The following MYOCD variants were observed in gnomAD, a reference collection of about 807,000 sequenced individuals.
The protein encoded by MYOCD is myocardin.
In MYOCD, 32 loss-of-function variants were observed where a neutral mutation model predicts 96.1. The observed-to-expected ratio is 0.33, with a 90% CI of 0.25 to 0.45. MYOCD has a LOEUF of 0.45. Ranked by LOEUF, MYOCD falls within the 20% of genes least tolerant of loss-of-function variation. The pLI is 1.00. For synonymous variants in MYOCD, 469 were observed against 469.0 expected, an observed-to-expected ratio of 1.00 and a Z score of 0.00; for missense variants, 1,133 against 1,200.6, an observed-to-expected ratio of 0.94 and a Z score of 0.83.
chr17:12,669,884 T>G (rs1909596754), intron 1 of MYOCD, among the ~76,000 whole-genome samples: 1 of 152,184 alleles, frequency 6.6e-6, no homozygotes, highest in African/African-American at 2.4e-5. Flanking sequence ...CACTTTCTGC[T>G]GCCCCATCCA....
chr17:12,767,796 T>C lies in MYOCD; in HGVS notation c.*4152T>C, dbSNP rs2033379903. 6.6e-6 allele frequency: 1 copy of C among 152,192 alleles called. No individual in the cohort carries two copies. The highest frequency in any genetic ancestry group is 2.4e-5 in the African/African-American group (1 of 41,456). 9.4% of individuals were successfully genotyped at this position (152,192 alleles called of 1,614,324 possible). ...ACATCCACGAGAGTTTGAAGATTTGTGTTGATTGCCAGATACAGAAGCCCC... is the reference window on the plus strand; with the variant it reads ...ACATCCACGAGAGTTTGAAGATTTGCGTTGATTGCCAGATACAGAAGCCCC... On this transcript the variant is annotated 3_prime_UTR_variant, in exon 14 of 14. Transcript: ENST00000425538.
In MYOCD at chr17:12,680,888, G is replaced by A. The variant is rs80200276; in HGVS notation, c.55+14645G>A. On this transcript the variant is annotated intron_variant, in intron 1 of 13. Transcript: ENST00000425538. ...TTCCCAGTCCTCCCTGACTTGGAGAGGGTTTTGATGAGGTTCCCTACACCC... is the reference window on the plus strand; with the variant it reads ...TTCCCAGTCCTCCCTGACTTGGAGAAGGTTTTGATGAGGTTCCCTACACCC... Among the ~76,000 whole-genome samples the A allele has an allele frequency of 4.7e-4, 72 of 152,208 alleles. No individual in the cohort carries two copies. In the East Asian group the frequency reaches 0.011, roughly 23 times the overall value.
At chr17:12,731,640 G>C (rs1174561810) in intron 5 of MYOCD, among the ~76,000 whole-genome samples, 1 of 152,014 alleles carries the variant, frequency 6.6e-6, no homozygotes, top group Admixed American at 6.6e-5. Flanking sequence ...TTATGATGAT[G>C]ATTCCCATTT....
chr17:12,749,505 G>A (rs1391574508), intron 9 of MYOCD, among the ~76,000 whole-genome samples: 3 of 148,934 alleles, frequency 2.0e-5, no homozygotes, highest in African/African-American at 7.5e-5. Context: ...CTCCAGCCTG[G>A]GTGACAGAGC....
chr17:12,673,766 G>C (rs7210302), intron 1 of MYOCD, among the ~76,000 whole-genome samples: 2,259 of 152,270 alleles, frequency 0.015, 66 homozygotes, highest in African/African-American at 0.051. Context: ...GATGGCTAGT[G>C]TTTTTGGAGC....
At chr17:12,728,371 C>T (rs150003642) in intron 5 of MYOCD, among the ~76,000 whole-genome samples, 1 of 152,240 alleles carries the variant, frequency 6.6e-6, no homozygotes, top group Non-Finnish European at 1.5e-5. Context: ...CCAGCTTTAC[C>T]AACAGTAGAA....
At chr17:12,670,287 G>A (rs1165022898) in intron 1 of MYOCD, among the ~76,000 whole-genome samples, 3 of 152,302 alleles carry the variant, frequency 2.0e-5, no homozygotes, top group East Asian at 1.9e-4. Flanking sequence ...CCTGGTGCCT[G>A]TAATTGGTTG....
chr17:12,749,307 C>T (rs535901218), intron 9 of MYOCD, among the ~76,000 whole-genome samples: 3 of 151,956 alleles, frequency 2.0e-5, no homozygotes, highest in Non-Finnish European at 4.4e-5. Flanking sequence ...GTGGGCGGAT[C>T]GCTTGAGGTC....
At position 12,732,830 on chromosome 17, in the gene MYOCD, C is replaced by A. The variant is rs184607891; in HGVS notation, c.416-3331C>A. 2.4e-3 allele frequency among the ~76,000 whole-genome samples: 360 copies of A among 152,308 alleles called. 3 individuals are homozygous for A. The highest frequency in any genetic ancestry group is 8.2e-3 in the African/African-American group (342 of 41,558). On this transcript the variant is annotated intron_variant, in intron 5 of 13. Coordinates refer to ENST00000425538, the MANE Select transcript of MYOCD (RefSeq NM_001146312.3). ...AGGGCTGATTCACTGGTAGTAACTT[C>A]AGGGCTGCAACAATCTTTCCACCCC...
rs574723094 is a variant in MYOCD, at chr17:12,729,641, G to C, written c.416-6520G>C. 1.9e-4 allele frequency among the ~76,000 whole-genome samples: 29 copies of C among 152,054 alleles called. No homozygotes were observed. In the East Asian group the frequency reaches 5.4e-3, roughly 28 times the overall value. ...CGCCCAGGCTGGAGTGCAATGGCGC[G>C]ATCTCTGCTCACTGCAACCTCCCAG... On this transcript the variant is annotated intron_variant, in intron 5 of 13. Transcript: ENST00000425538.
intron 9 of MYOCD, among the ~76,000 whole-genome samples, chr17:12,749,709 G>GTATATATATATACATATATGTA (rs779103102): frequency 2.9e-5 from 4 of 139,214 alleles, no homozygotes; most frequent in Non-Finnish European, 4.5e-5. Context: ...ATACATATGT[G>GTATATATATATACATATATGTA]TATATATATG....
At position 12,766,881 on chromosome 17, in the gene MYOCD, G is replaced by A. The variant is rs1223416412; in HGVS notation, c.*3237G>A. On this transcript the variant is annotated 3_prime_UTR_variant, in exon 14 of 14. Transcript: ENST00000425538. ...TCGTGCAAGTGCTTGCAGGAAGCCA[G>A]TGCTTATTAGTAGTGACCCTGCTTC... The A allele has an allele frequency of 6.6e-6, 1 of 152,058 alleles. No individual in the cohort carries two copies. The highest frequency in any genetic ancestry group is 1.5e-5 in the Non-Finnish European group (1 of 68,034). 9.4% of individuals were successfully genotyped at this position (152,058 alleles called of 1,614,324 possible). A position where few individuals can be genotyped will look rare whatever the true frequency, so the allele number is the denominator to read the frequency against.
At chr17:12,705,232 G>T (rs1444150736) in intron 2 of MYOCD, 39 bp downstream of exon 2, 1 of 1,473,538 alleles carries the variant, frequency 6.8e-7, no homozygotes. Flanking sequence ...TATACATAGG[G>T]CCACACCATT....
At chr17:12,685,110 A>C (rs1443312179) in intron 1 of MYOCD, among the ~76,000 whole-genome samples, 1 of 151,810 alleles carries the variant, frequency 6.6e-6, no homozygotes, top group Non-Finnish European at 1.5e-5. Context: ...AGCCTGGCTA[A>C]CATGGTGAAA....
At chr17:12,678,291 T>C (rs1438921966) in intron 1 of MYOCD, among the ~76,000 whole-genome samples, 2 of 146,712 alleles carry the variant, frequency 1.4e-5, no homozygotes, top group Non-Finnish European at 1.5e-5. Context: ...TATATATCTA[T>C]CATCACTTAT....
intron 1 of MYOCD, among the ~76,000 whole-genome samples, chr17:12,669,223 C>G (rs1053875710): frequency 6.6e-6 from 1 of 152,204 alleles, no homozygotes; most frequent in South Asian, 2.1e-4. Context: ...ACAAAACACA[C>G]AGGGAGGTAC....
At chr17:12,736,948 T>C (rs2032363973) in intron 6 of MYOCD, among the ~76,000 whole-genome samples, 1 of 152,140 alleles carries the variant, frequency 6.6e-6, no homozygotes, top group Non-Finnish European at 1.5e-5. Context: ...TTAAAGCACA[T>C]TTATAAAGAA....
At chr17:12,678,671 T>TA (rs756937478) in intron 1 of MYOCD, among the ~76,000 whole-genome samples, 30 of 152,046 alleles carry the variant, frequency 2.0e-4, no homozygotes, top group Non-Finnish European at 3.4e-4. Context: ...TTAATATTTT[T>TA]ATTTTTTTGT....
Position 12,756,464 on chromosome 17 carries a change from C to A in MYOCD, c.2109C>A (p.Ser703=), listed in dbSNP as rs1455765240. ...CTCCAAGCTTCTCTCCCCATTCTTC[C>A]AGCCTCCACCCGCCCTTCTCTGGAG... is the stretch of plus-strand genomic sequence containing the variant. The part of the protein sequence containing the change: ...GHPPSFSPHS[S]SLHPPFSGAQ... Residue 703 remains serine (S), a synonymous_variant, in exon 11 of 14, where the codon TCC becomes TCA. Transcript: ENST00000425538. 3 of 1,551,876 alleles carry A rather than the reference C, an allele frequency of 1.9e-6. No individual in the cohort carries two copies. The Admixed American group carries it at 5.9e-5, about 30-fold the overall frequency.
Sources: gnomAD v4.1 joint callset for allele counts (sites outside exome capture counted in the v4.1 genomes callset) on GRCh38, gnomAD v4.1.1 for gene constraint, MANE v1.5 for transcripts, NCBI Gene and HGNC (gene_info 2026-07-23, HGNC 2026-07-21) for gene names.